KCNH5: variants seen among roughly 807,000 people sequenced by gnomAD.
The protein encoded by KCNH5 is potassium voltage-gated channel subfamily H member 5, also known as voltage-gated delayed rectifier potassium channel KCNH5.
KCNH5 carries 46 observed loss-of-function variants against 96.1 expected under a neutral mutation model. The ratio of observed to expected loss-of-function variants is 0.48; its 90% CI spans 0.38 to 0.61. The LOEUF is 0.61. Ranked by LOEUF, KCNH5 falls within the 20% of genes least tolerant of loss-of-function variation. The probability of loss-of-function intolerance (pLI) is 0.00; values close to 1 mark genes in which losing one functional copy is unlikely to be tolerated. For synonymous variants in KCNH5, 439 were observed against 449.8 expected (o/e 0.98, Z 0.30); for missense variants, 907 against 1,225.8 (o/e 0.74, Z 3.88).
intron 7 of KCNH5, among the ~76,000 whole-genome samples, chr14:62,932,184 A>G (rs1889592849): frequency 6.6e-6 from 1 of 152,192 alleles, no homozygotes; most frequent in African/African-American, 2.4e-5. Context: ...AGAAGCAGAG[A>G]CCAAAACCAA....
intron 1 of KCNH5, among the ~76,000 whole-genome samples, chr14:63,018,609 T>C (rs1891370638): frequency 6.6e-6 from 1 of 151,916 alleles, no homozygotes; most frequent in Non-Finnish European, 1.5e-5. Flanking sequence ...AAACAAGTCA[T>C]AGGATGAACG....
intron 5 of KCNH5, among the ~76,000 whole-genome samples, chr14:62,983,625 G>A (rs1162491514): frequency 6.6e-6 from 1 of 152,118 alleles, no homozygotes; most frequent in Non-Finnish European, 1.5e-5. Context: ...CTGGATTAAT[G>A]CAGGTCTCCT....
intron 6 of KCNH5, among the ~76,000 whole-genome samples, chr14:62,955,084 C>CAAA (rs748636060): frequency 8.6e-6 from 1 of 115,742 alleles, no homozygotes; most frequent in African/African-American, 3.2e-5. Flanking sequence ...AGAGAACTGC[C>CAAA]AAAAAAAAAA....
At chr14:62,824,483 T>C (rs1334045430) in intron 8 of KCNH5, among the ~76,000 whole-genome samples, 1 of 152,120 alleles carries the variant, frequency 6.6e-6, no homozygotes, top group Non-Finnish European at 1.5e-5. Context: ...AATACTTCAG[T>C]ACTTCAAAAA....
intron 4 of KCNH5, among the ~76,000 whole-genome samples, chr14:62,988,332 G>T (rs905543851): frequency 2.6e-5 from 4 of 151,930 alleles, no homozygotes; most frequent in African/African-American, 9.7e-5. Flanking sequence ...AAAAACTCCT[G>T]ATGTTCCAAA....
intron 4 of KCNH5, among the ~76,000 whole-genome samples, chr14:62,996,500 T>C (rs563964161): frequency 7.9e-5 from 12 of 152,348 alleles, no homozygotes; most frequent in Admixed American, 3.9e-4. Context: ...AGTTAAAAAA[T>C]CAAGTGGTCT....
chr14:62,699,515 A>G lies in KCNH5; in HGVS notation c.*7993T>C, dbSNP rs1477353922. 6.6e-6 allele frequency: 1 copy of G among 152,184 alleles called. No individual in the cohort carries two copies. Among genetic ancestry groups the G allele is most frequent in the African/African-American group, 2.4e-5 (1 of 41,460 alleles). The allele number at this position is 152,184 out of a possible 1,614,324, so 9.4% of individuals were successfully genotyped here. On this transcript the variant is annotated 3_prime_UTR_variant, in exon 11 of 11. Coordinates refer to ENST00000322893, the MANE Select transcript of KCNH5 (RefSeq NM_139318.5). ...TATCATGAAAAAATATCCACATTTAAATAAAGTGTGAAAAAAAGCAAAGTT... is the reference window on the plus strand; with the variant it reads ...TATCATGAAAAAATATCCACATTTAGATAAAGTGTGAAAAAAAGCAAAGTT...
intron 10 of KCNH5, among the ~76,000 whole-genome samples, chr14:62,773,571 T>C (rs545339946): frequency 6.6e-6 from 1 of 152,336 alleles, no homozygotes; most frequent in African/African-American, 2.4e-5. Context: ...AGCCAGCCAA[T>C]ACTTTCTGTG....
At chr14:62,851,498 TA>T (rs35528081) in intron 7 of KCNH5, among the ~76,000 whole-genome samples, 2 of 114,196 alleles carry the variant, frequency 1.8e-5, no homozygotes, top group Admixed American at 8.5e-5. Flanking sequence ...AGGTCTTTCC[TA>T]AAAAAAAAAA....
At chr14:63,027,574 A>G (rs1487489197) in intron 1 of KCNH5, among the ~76,000 whole-genome samples, 1 of 151,918 alleles carries the variant, frequency 6.6e-6, no homozygotes, top group Non-Finnish European at 1.5e-5. Flanking sequence ...TGAATTGTCC[A>G]TATTCTATAT....
chr14:62,846,411 CTATT>C (rs1235491395), intron 8 of KCNH5, among the ~76,000 whole-genome samples: 4 of 152,040 alleles, frequency 2.6e-5, no homozygotes, highest in Admixed American at 2.6e-4. Context: ...TTAGCAAAAT[CTATT>C]TGTCAGTTAC....
intron 7 of KCNH5, among the ~76,000 whole-genome samples, chr14:62,870,473 C>T (rs1022308373): frequency 6.6e-6 from 1 of 152,128 alleles, no homozygotes; most frequent in Non-Finnish European, 1.5e-5. Context: ...AATGGCATGG[C>T]ACAGAAGGAA....
intron 10 of KCNH5, among the ~76,000 whole-genome samples, chr14:62,722,244 C>G (rs1884831562): frequency 1.3e-5 from 2 of 152,132 alleles, no homozygotes; most frequent in Admixed American, 1.3e-4. Flanking sequence ...GTCTTTGAAA[C>G]ATAATTATTC....
At chr14:63,016,183 T>C (rs936732051) in intron 2 of KCNH5, among the ~76,000 whole-genome samples, 1 of 151,960 alleles carries the variant, frequency 6.6e-6, no homozygotes, top group African/African-American at 2.4e-5. Flanking sequence ...TACTGAAATA[T>C]TGTGAAAAGT....
At chr14:63,000,661 T>G (rs1289635106) in intron 4 of KCNH5, among the ~76,000 whole-genome samples, 1 of 152,202 alleles carries the variant, frequency 6.6e-6, no homozygotes, top group Non-Finnish European at 1.5e-5. Flanking sequence ...CAAAATTCAA[T>G]CAACTAACCA....
intron 7 of KCNH5, among the ~76,000 whole-genome samples, chr14:62,871,677 G>A (rs1888257916): frequency 6.6e-6 from 1 of 152,144 alleles, no homozygotes; most frequent in African/African-American, 2.4e-5. Context: ...AAGAAAATGT[G>A]CATTATAGCT....
rs533650513 is a variant in KCNH5, at chr14:62,882,622, A to T, written c.1370-32770T>A. On this transcript the variant is annotated intron_variant, in intron 7 of 10. Transcript: ENST00000322893. The stretch of plus-strand genomic sequence containing the variant: ...CTGGAGAAATAGGGCCACCATGCTG[A>T]TCCATACAATAATCGCTTTACAACA... Among the ~76,000 whole-genome samples, 3 of 152,310 alleles carry T rather than the reference A, an allele frequency of 2.0e-5. No individual in the cohort carries two copies. In the South Asian group the frequency reaches 6.2e-4, roughly 32 times the overall value.
intron 10 of KCNH5, among the ~76,000 whole-genome samples, chr14:62,735,741 T>C (rs149331806): frequency 3.5e-4 from 54 of 152,306 alleles, no homozygotes; most frequent in African/African-American, 1.2e-3. Flanking sequence ...GCATCTTCAA[T>C]GTCACTTCAT....
At chr14:62,994,632 A>T (rs1014018572) in intron 4 of KCNH5, among the ~76,000 whole-genome samples, 1 of 152,052 alleles carries the variant, frequency 6.6e-6, no homozygotes, top group African/African-American at 2.4e-5. Context: ...TCCAAATGAA[A>T]GTATTCTCAA....
Sources: allele counts gnomAD v4.1 joint callset (sites outside exome capture counted in the v4.1 genomes callset), GRCh38; gene constraint gnomAD v4.1.1; transcripts MANE v1.5; gene names NCBI Gene and HGNC (gene_info 2026-07-23, HGNC 2026-07-21).